ZNF385B: variants seen among roughly 807,000 people sequenced by gnomAD.
The protein encoded by ZNF385B is zinc finger protein 533.
In ZNF385B, 23 loss-of-function variants were observed where a neutral mutation model predicts 39.2. That is an observed-to-expected ratio of 0.59 (90% confidence interval 0.42 to 0.83). The LOEUF (loss-of-function observed/expected upper bound fraction) is 0.83, where lower values mean the gene tolerates loss of function less well. Ranked by LOEUF, ZNF385B falls within the 40% of genes least tolerant of loss-of-function variation. The pLI is 0.00. For synonymous variants in ZNF385B, 205 were observed against 222.6 expected (o/e 0.92, Z 0.70); for missense variants, 552 against 598.9 (o/e 0.92, Z 0.82).
At chr2:179,600,376 T>C (rs1031198397) in intron 3 of ZNF385B, among the ~76,000 whole-genome samples, 8 of 152,218 alleles carry the variant, frequency 5.3e-5, no homozygotes, top group African/African-American at 1.9e-4. Flanking sequence ...TTTAGCATCG[T>C]GACTAAAAAA....
chr2:179,633,509 A>G (rs1007877303), intron 3 of ZNF385B, among the ~76,000 whole-genome samples: 2 of 152,246 alleles, frequency 1.3e-5, no homozygotes, highest in Non-Finnish European at 2.9e-5. Flanking sequence ...GCAGACCTTC[A>G]TGCTAAAAAC....
intron 3 of ZNF385B, among the ~76,000 whole-genome samples, chr2:179,755,590 G>A (rs1302486362): frequency 6.6e-6 from 1 of 152,116 alleles, no homozygotes; most frequent in Admixed American, 6.5e-5. Context: ...GGTCTCTAAG[G>A]ACTTGCTTTA....
intron 3 of ZNF385B, among the ~76,000 whole-genome samples, chr2:179,677,270 A>G (rs943769857): frequency 6.6e-6 from 1 of 152,224 alleles, no homozygotes; most frequent in Admixed American, 6.5e-5. Flanking sequence ...CAGGAAGTCT[A>G]AAACCATCAC....
At chr2:179,567,681 G>A (rs1009844113) in intron 3 of ZNF385B, among the ~76,000 whole-genome samples, 1 of 152,160 alleles carries the variant, frequency 6.6e-6, no homozygotes, top group African/African-American at 2.4e-5. Flanking sequence ...TGGGCTAGAA[G>A]AGCTGGAGAA....
chr2:179,784,836 T>C (rs773054111), intron 1 of ZNF385B, among the ~76,000 whole-genome samples: 4 of 152,192 alleles, frequency 2.6e-5, no homozygotes, highest in Non-Finnish European at 5.9e-5. Context: ...TATACGCCGG[T>C]GGAAGTATAA....
chr2:179,446,496 T>G (rs1217512706), intron 7 of ZNF385B, 29 bp downstream of exon 7: 10 of 1,593,932 alleles, frequency 6.3e-6, no homozygotes, highest in Non-Finnish European at 8.5e-6. Context: ...GTTATAAACA[T>G]TATTTAAATG....
intron 3 of ZNF385B, among the ~76,000 whole-genome samples, chr2:179,737,510 A>G: frequency 6.7e-6 from 1 of 149,968 alleles, no homozygotes; most frequent in East Asian, 1.9e-4. Context: ...GCCCATCAAT[A>G]TCTACCTGTT....
At chr2:179,625,462 T>C (rs572068519) in intron 3 of ZNF385B, among the ~76,000 whole-genome samples, 2 of 152,100 alleles carry the variant, frequency 1.3e-5, no homozygotes, top group African/African-American at 2.4e-5. Context: ...ATTCAGCCAT[T>C]ATTTTCTTAT....
chr2:179,826,615 A>C (rs1707696680), intron 1 of ZNF385B, among the ~76,000 whole-genome samples: 2 of 152,102 alleles, frequency 1.3e-5, no homozygotes, highest in South Asian at 4.1e-4. Flanking sequence ...TTTCTCCACA[A>C]TGCACACAAT....
At chr2:179,702,043 AC>A in intron 3 of ZNF385B, among the ~76,000 whole-genome samples, 1 of 152,290 alleles carries the variant, frequency 6.6e-6, no homozygotes, top group South Asian at 2.1e-4. Flanking sequence ...GCTTCAAAAG[AC>A]TTTTCACGTT....
At chr2:179,828,309 A>G (rs1405501707) in intron 1 of ZNF385B, among the ~76,000 whole-genome samples, 1 of 152,182 alleles carries the variant, frequency 6.6e-6, no homozygotes, top group African/African-American at 2.4e-5. Context: ...ATAGGATAAG[A>G]GGTAAAAATA....
chr2:179,556,921 C>T (rs955644067), intron 3 of ZNF385B, among the ~76,000 whole-genome samples: 4 of 149,080 alleles, frequency 2.7e-5, no homozygotes, highest in Non-Finnish European at 4.4e-5. Flanking sequence ...CTATAGCATG[C>T]TAAAGACCTA....
chr2:179,762,127 G>A (rs545192552), intron 3 of ZNF385B, among the ~76,000 whole-genome samples: 1 of 152,136 alleles, frequency 6.6e-6, no homozygotes, highest in African/African-American at 2.4e-5. Flanking sequence ...TGTTTTTACT[G>A]CATTAATGGA....
intron 6 of ZNF385B, among the ~76,000 whole-genome samples, chr2:179,480,062 C>T (rs1029567202): frequency 2.6e-5 from 4 of 152,166 alleles, no homozygotes; most frequent in East Asian, 1.9e-4. Context: ...ATTAGTCAAG[C>T]CTATGGATGT....
At chr2:179,716,615 A>T (rs1022976891) in intron 3 of ZNF385B, among the ~76,000 whole-genome samples, 12 of 152,194 alleles carry the variant, frequency 7.9e-5, no homozygotes, top group Non-Finnish European at 1.8e-4. Context: ...CTTCAATTCT[A>T]AAAGGTAGTC....
At chr2:179,491,072 T>C (rs1330532860) in intron 5 of ZNF385B, among the ~76,000 whole-genome samples, 4 of 152,166 alleles carry the variant, frequency 2.6e-5, no homozygotes, top group African/African-American at 9.7e-5. Context: ...ATTATAGACA[T>C]TTTATTTTTA....
chr2:179,829,510 T>C (rs6433810), intron 1 of ZNF385B, among the ~76,000 whole-genome samples: 46,337 of 151,894 alleles, frequency 0.31, 7,440 homozygotes, highest in Admixed American at 0.44. Flanking sequence ...GGTTTGGATA[T>C]GACTTTTTTT....
At chr2:179,524,731 T>C (rs2058775921) in intron 4 of ZNF385B, among the ~76,000 whole-genome samples, 1 of 152,038 alleles carries the variant, frequency 6.6e-6, no homozygotes, top group Non-Finnish European at 1.5e-5. Context: ...GTACAAACTC[T>C]ACTCAATTGG....
intron 1 of ZNF385B, among the ~76,000 whole-genome samples, chr2:179,815,410 T>A (rs1707000974): frequency 6.6e-6 from 1 of 152,170 alleles, no homozygotes; most frequent in African/African-American, 2.4e-5. Flanking sequence ...CAGCTGAGAC[T>A]GAAATAGAAC....
Sources: gnomAD v4.1 joint callset for allele counts (sites outside exome capture counted in the v4.1 genomes callset) on GRCh38, gnomAD v4.1.1 for gene constraint, MANE v1.5 for transcripts, NCBI Gene and HGNC (gene_info 2026-07-23, HGNC 2026-07-21) for gene names.